Variants in POU6F2 observed in about 807,000 individuals in gnomAD.
The protein encoded by POU6F2 is POU class 6 homeobox 2.
POU6F2 carries 31 observed loss-of-function variants against 71.3 expected under a neutral mutation model. The ratio of observed to expected loss-of-function variants is 0.43; its 90% CI spans 0.33 to 0.59. POU6F2 has a LOEUF of 0.59. Among genes scored for constraint, POU6F2 ranks in the 20% least tolerant of loss-of-function variants. The probability of loss-of-function intolerance (pLI) is 0.04; values close to 1 mark genes in which losing one functional copy is unlikely to be tolerated. For synonymous variants in POU6F2, 347 were observed against 355.7 expected (o/e 0.98, Z 0.27); for missense variants, 783 against 856.8 (o/e 0.91, Z 1.07).
intron 2 of POU6F2, among the ~76,000 whole-genome samples, chr7:39,094,178 C>T (rs939778321): frequency 2.6e-5 from 4 of 152,048 alleles, no homozygotes; most frequent in Non-Finnish European, 4.4e-5. Context: ...GTGTCTTCTT[C>T]GATGCTGCTA....
chr7:39,260,749 A>G (rs1784121138), intron 4 of POU6F2, among the ~76,000 whole-genome samples: 1 of 151,820 alleles, frequency 6.6e-6, no homozygotes, highest in South Asian at 2.1e-4. Context: ...CAACACACAG[A>G]CACCATGCCA....
At chr7:39,440,828 T>C (rs1788384625) in intron 7 of POU6F2, among the ~76,000 whole-genome samples, 1 of 152,230 alleles carries the variant, frequency 6.6e-6, no homozygotes, top group Non-Finnish European at 1.5e-5. Flanking sequence ...TTGTCTAGTT[T>C]CAGTCTTTGA....
chr7:39,136,611 T>A (rs77244616), intron 2 of POU6F2, among the ~76,000 whole-genome samples: 3,043 of 152,248 alleles, frequency 0.02, 86 homozygotes, highest in African/African-American at 0.068. Context: ...TAGGCAATTT[T>A]AAATATATGA....
Position 39,339,763 on chromosome 7 carries a change from G to A in POU6F2, c.720G>A (p.Ala240=), listed in dbSNP as rs753100110. The A allele has an allele frequency of 8.8e-6, 14 of 1,587,308 alleles. No homozygotes were observed. Among genetic ancestry groups the A allele is most frequent in the South Asian group, 3.4e-5 (3 of 88,600 alleles). Residue 240 remains alanine, a synonymous_variant, in exon 5 of 10, where the codon GCG becomes GCA. Transcript: ENST00000518318. Reference sequence around the variant, plus strand: ...AGCACCCGCAACCAGCCCCACAGGCGCCCTCGCAGTCCCAGCAGCAGCCGC... The same window carrying A: ...AGCACCCGCAACCAGCCCCACAGGCACCCTCGCAGTCCCAGCAGCAGCCGC... ...TNQHPQPAPQ[A]PSQSQQQPLQ... is the part of the protein sequence containing the mutation.
intron 4 of POU6F2, among the ~76,000 whole-genome samples, chr7:39,230,820 C>T (rs576963839): frequency 8.5e-5 from 13 of 152,288 alleles, no homozygotes; most frequent in Non-Finnish European, 1.5e-4. Flanking sequence ...AATGTCATTA[C>T]TAAAATTTTA....
chr7:39,045,689 A>G (rs1386142065), intron 1 of POU6F2, among the ~76,000 whole-genome samples: 4 of 151,756 alleles, frequency 2.6e-5, no homozygotes, highest in African/African-American at 4.8e-5. Context: ...CTTCATTCCA[A>G]AATGTTTCCT....
intron 4 of POU6F2, among the ~76,000 whole-genome samples, chr7:39,228,363 GT>G (rs1444098308): frequency 6.6e-6 from 1 of 152,144 alleles, no homozygotes; most frequent in Non-Finnish European, 1.5e-5. Context: ...TTTTGACTTG[GT>G]TTTTTGTTGT....
intron 4 of POU6F2, among the ~76,000 whole-genome samples, chr7:39,285,631 C>A (rs1784637436): frequency 6.6e-6 from 1 of 152,026 alleles, no homozygotes; most frequent in East Asian, 1.9e-4. Flanking sequence ...AGGTAAGGAC[C>A]AAAAACCTTA....
intron 5 of POU6F2, among the ~76,000 whole-genome samples, chr7:39,388,539 C>T (rs954553491): frequency 4.6e-5 from 7 of 152,172 alleles, no homozygotes; most frequent in African/African-American, 1.7e-4. Flanking sequence ...TGGTCTCGAA[C>T]TCCTGACCTC....
At chr7:39,394,302 GGTCA>G (rs1036590300) in intron 5 of POU6F2, among the ~76,000 whole-genome samples, 3 of 152,064 alleles carry the variant, frequency 2.0e-5, no homozygotes, top group Admixed American at 6.5e-5. Context: ...ATTAATTTTT[GGTCA>G]GTCAGCAGTT....
intron 4 of POU6F2, among the ~76,000 whole-genome samples, chr7:39,235,258 GA>G (rs1436762717): frequency 1.3e-5 from 2 of 152,118 alleles, no homozygotes; most frequent in Admixed American, 1.3e-4. Context: ...AAAGGAAAAG[GA>G]GGCAACAAAG....
rs1049802507 is a variant in POU6F2, at chr7:39,204,297, A to T, written c.340A>T (p.Thr114Ser). ...TCCTGACCAACACCAGGCCAGTCAG[A>T]CCCACCCCCCATTTCCAGTTGGGCC... ...GTPDQHQASQ[T>S]HPPFPVGPQP... The change falls in exon 3 of 10, where the codon ACC (threonine) becomes TCC (serine). Residue 114 changes from threonine to serine, a missense_variant. Thr to Ser is a moderately conservative substitution (Grantham distance 58, BLOSUM62 1). Coordinates refer to ENST00000518318, the MANE Select transcript of POU6F2 (RefSeq NM_001370959.1). 1 of 1,613,672 alleles carries T rather than the reference A, an allele frequency of 6.2e-7. No individual in the cohort carries two copies. The highest frequency in any genetic ancestry group is 1.3e-5 in the African/African-American group (1 of 74,888).
rs544755447 is a variant in POU6F2 at position 39,221,257 on chromosome 7, G to GATCC, written c.598+13639_598+13642dup. Among the ~76,000 whole-genome samples, 70 of 152,006 alleles carry GATCC rather than the reference G, an allele frequency of 4.6e-4. No homozygotes were observed. The East Asian group carries it at 0.012, about 26-fold the overall frequency. On this transcript the variant is annotated intron_variant, in intron 4 of 9. Coordinates refer to ENST00000518318, the MANE Select transcript of POU6F2 (RefSeq NM_001370959.1). ...GACCTTCAAGCAGAAAATCACAAAG[G>GATCC]ATCCACTTTGGTAACACAAATTAGA...
At chr7:38,998,927 G>A (rs547162336) in intron 1 of POU6F2, among the ~76,000 whole-genome samples, 93 of 150,672 alleles carry the variant, frequency 6.2e-4, no homozygotes, top group Admixed American at 2.7e-3. Flanking sequence ...GCCTCACAAA[G>A]TGCTGGGATT....
chr7:39,033,917 C>G (rs1790004377), intron 1 of POU6F2, among the ~76,000 whole-genome samples: 1 of 152,154 alleles, frequency 6.6e-6, no homozygotes, highest in South Asian at 2.1e-4. Flanking sequence ...TCTTCCCTGT[C>G]TTCTCAGCTG....
intron 4 of POU6F2, among the ~76,000 whole-genome samples, chr7:39,260,310 C>G (rs761712791): frequency 6.0e-5 from 9 of 150,452 alleles, no homozygotes; most frequent in Non-Finnish European, 8.9e-5. Flanking sequence ...GTTCACACCA[C>G]ACACACAATA....
At position 38,995,568 on chromosome 7, in the gene POU6F2, C is replaced by G. The variant is rs564609114; in HGVS notation, c.105+17510C>G. ...TACAGAGGGAGAAATTCCCTCAGTC[C>G]TTGTAGAATTATAAGGTCCCAATGA... On this transcript the variant is annotated intron_variant, in intron 1 of 9. Transcript: ENST00000518318. Among the ~76,000 whole-genome samples the G allele has an allele frequency of 2.6e-5, 4 of 151,908 alleles. No individual in the cohort carries two copies. The East Asian group carries it at 7.7e-4, about 29-fold the overall frequency.
chr7:39,156,072 T>C (rs28459466), intron 2 of POU6F2, among the ~76,000 whole-genome samples: 63,507 of 151,962 alleles, frequency 0.42, 13,886 homozygotes, highest in African/African-American at 0.52. Flanking sequence ...TTTTGGCTGA[T>C]AGAGACATAA....
chr7:39,011,333 C>T (rs528324609), intron 1 of POU6F2, among the ~76,000 whole-genome samples: 13 of 151,794 alleles, frequency 8.6e-5, no homozygotes, highest in African/African-American at 2.9e-4. Context: ...TTATCAGAGA[C>T]TAGGATTGCA....
Sources: gnomAD v4.1 joint callset for allele counts (sites outside exome capture counted in the v4.1 genomes callset) on GRCh38, gnomAD v4.1.1 for gene constraint, MANE v1.5 for transcripts, NCBI Gene and HGNC (gene_info 2026-07-23, HGNC 2026-07-21) for gene names.